Variants in NALF1 observed in about 807,000 individuals in gnomAD.
NALF1 encodes the protein family with sequence similarity 155 member A.
A neutral mutation model predicts 48.4 loss-of-function variants in NALF1; 3 were observed. The observed-to-expected ratio is 0.06, with a 90% CI of 0.03 to 0.16. The LOEUF (loss-of-function observed/expected upper bound fraction) is 0.16. NALF1 is among the 10% of genes least tolerant of loss of function. The pLI is 1.00. For synonymous variants in NALF1, 262 were observed against 245.7 expected (o/e 1.07, Z -0.62); for missense variants, 526 against 571.5 (o/e 0.92, Z 0.81).
At chr13:107,536,486 C>T (rs1436438429) in intron 1 of NALF1, among the ~76,000 whole-genome samples, 3 of 152,176 alleles carry the variant, frequency 2.0e-5, no homozygotes, top group African/African-American at 7.2e-5. Flanking sequence ...AAATGCTCAT[C>T]ATCACTGGCC....
intron 1 of NALF1, among the ~76,000 whole-genome samples, chr13:107,689,235 C>T (rs1360379730): frequency 3.3e-5 from 5 of 152,210 alleles, no homozygotes; most frequent in Non-Finnish European, 7.3e-5. Flanking sequence ...TGACTCTGTC[C>T]TTCATCTGTT....
chr13:107,786,769 T>C (rs1001607249), intron 1 of NALF1, among the ~76,000 whole-genome samples: 3 of 151,976 alleles, frequency 2.0e-5, no homozygotes, highest in African/African-American at 4.8e-5. Context: ...AGAGAGAGAA[T>C]ATATGCCTGA....
In NALF1 at chr13:107,185,470, G is replaced by T. The variant is rs569323908; in HGVS notation, c.1088-14684C>A. The stretch of plus-strand genomic sequence containing the variant: ...GTGGATACTATTCAGAGTGCTAAGA[G>T]ATCTAGTGTTCTGGGTTATCCTACT... On this transcript the variant is annotated intron_variant, in intron 2 of 2. Coordinates refer to ENST00000375915, the MANE Select transcript of NALF1 (RefSeq NM_001080396.3). Among the ~76,000 whole-genome samples, 4 of 139,110 alleles carry T rather than the reference G, an allele frequency of 2.9e-5. No individual in the cohort carries two copies. The South Asian group carries it at 7.1e-4, about 25-fold the overall frequency. The allele number at this position is 139,110 out of a possible 152,430, so 91.3% of individuals were successfully genotyped here.
Position 107,866,646 on chromosome 13 carries a change from C to T in NALF1, c.-50G>A, listed in dbSNP as rs1404307386. On this transcript the variant is annotated 5_prime_UTR_variant, in exon 1 of 3. Coordinates refer to ENST00000375915, the MANE Select transcript of NALF1 (RefSeq NM_001080396.3). This position sits in a 1 kb window ranked among gnomAD's most constrained non-coding sequence, Gnocchi z 4.4. ...CGACTCCACCGTGAGGGCGCCTGTG[C>T]CGGTGTCACCACAATATGCATTGAC... is the stretch of plus-strand genomic sequence containing the variant. 2 of 1,485,260 alleles carry T rather than the reference C, an allele frequency of 1.3e-6. No homozygotes were observed. The highest frequency in any genetic ancestry group is 1.8e-6 in the Non-Finnish European group (2 of 1,097,138). The allele number at this position is 1,485,260 out of a possible 1,614,324, so 92.0% of individuals were successfully genotyped here. A position where few individuals can be genotyped will look rare whatever the true frequency, so the allele number is the denominator to read the frequency against.
At chr13:107,210,890 T>A in intron 1 of NALF1, 135 bp from the exon 2 acceptor site, 1 of 612,610 alleles carries the variant, frequency 1.6e-6, no homozygotes, top group Non-Finnish European at 2.9e-6. Context: ...AAAGCGTATT[T>A]ACACAACGAC....
chr13:107,582,811 G>A (rs577938083), intron 1 of NALF1, among the ~76,000 whole-genome samples: 11 of 152,172 alleles, frequency 7.2e-5, no homozygotes, highest in Admixed American at 3.3e-4. Flanking sequence ...AGAAAATCCT[G>A]TATAATTCAG....
chr13:107,715,429 C>T (rs192518539), intron 1 of NALF1, among the ~76,000 whole-genome samples: 287 of 152,110 alleles, frequency 1.9e-3, no homozygotes, highest in Middle Eastern at 0.014. Context: ...CTTGAACTCC[C>T]GACCTCAGGT....
chr13:107,621,904 T>C (rs991534730), intron 1 of NALF1, among the ~76,000 whole-genome samples: 1 of 152,126 alleles, frequency 6.6e-6, no homozygotes, highest in Non-Finnish European at 1.5e-5. Flanking sequence ...CCAAGGTTGG[T>C]TCCACCACGG....
At chr13:107,187,854 T>C (rs990188334) in intron 2 of NALF1, among the ~76,000 whole-genome samples, 6 of 152,196 alleles carry the variant, frequency 3.9e-5, no homozygotes, top group Admixed American at 3.3e-4. Context: ...TATACTTTTT[T>C]ATTTTTATTT....
intron 1 of NALF1, among the ~76,000 whole-genome samples, chr13:107,501,973 G>A (rs1270137746): frequency 6.6e-6 from 1 of 152,116 alleles, no homozygotes; most frequent in African/African-American, 2.4e-5. Context: ...TAAACCTTTT[G>A]TCATTTGCAG....
At position 107,237,886 on chromosome 13, in the gene NALF1, G is replaced by C. The variant is rs1477027685; in HGVS notation, c.916-27131C>G. 2.6e-5 allele frequency among the ~76,000 whole-genome samples: 4 copies of C among 152,298 alleles called. No individual in the cohort carries two copies. The South Asian group carries it at 6.2e-4, about 24-fold the overall frequency. On this transcript the variant is annotated intron_variant, in intron 1 of 2. Coordinates refer to ENST00000375915, the MANE Select transcript of NALF1 (RefSeq NM_001080396.3). The stretch of plus-strand genomic sequence containing the variant: ...ATTAAACATCAATCTCTCTCACTCA[G>C]GAGAGATATATTCCCTATCTCAGCA...
chr13:107,828,594 TATCTATATCTATACAC>T (rs1879597172), intron 1 of NALF1, among the ~76,000 whole-genome samples: 1 of 75,196 alleles, frequency 1.3e-5, no homozygotes, highest in Non-Finnish European at 2.8e-5. Flanking sequence ...TATCTATCTA[TATCTATATCTATACAC>T]ACACACACAC....
At chr13:107,804,563 C>T (rs1878717773) in intron 1 of NALF1, among the ~76,000 whole-genome samples, 1 of 152,196 alleles carries the variant, frequency 6.6e-6, no homozygotes, top group African/African-American at 2.4e-5. Flanking sequence ...TCCTGTGGCA[C>T]TCCTCACCTC....
At chr13:107,678,707 C>G (rs556823912) in intron 1 of NALF1, among the ~76,000 whole-genome samples, 1 of 152,106 alleles carries the variant, frequency 6.6e-6, no homozygotes, top group Non-Finnish European at 1.5e-5. Context: ...TGAAGGGAAA[C>G]AAGGCAACGT....
chr13:107,411,944 G>A (rs958236693), intron 1 of NALF1, among the ~76,000 whole-genome samples: 2 of 152,190 alleles, frequency 1.3e-5, no homozygotes, highest in African/African-American at 4.8e-5. Flanking sequence ...AGGTGTGGCA[G>A]TGAGGAGGCT....
Position 107,168,543 on chromosome 13 carries a change from GTTTTC to G in NALF1, c.*1949_*1953del, listed in dbSNP as rs1244224600. ...AACGGGAGAATTTTGCATTTTTGGT[GTTTTC>G]TTTTTTTTTGTATTTGCGCAGACCA... is the stretch of plus-strand genomic sequence containing the variant. On this transcript the variant is annotated 3_prime_UTR_variant, in exon 3 of 3. Transcript: ENST00000375915. 1 of 148,174 alleles carries G rather than the reference GTTTTC, an allele frequency of 6.7e-6. No homozygotes were observed. The highest frequency in any genetic ancestry group is 6.8e-5 in the Admixed American group (1 of 14,806). The allele number at this position is 148,174 out of a possible 1,614,324, so 9.2% of individuals were successfully genotyped here. A position where few individuals can be genotyped will look rare whatever the true frequency, so the allele number is the denominator to read the frequency against.
intron 1 of NALF1, among the ~76,000 whole-genome samples, chr13:107,633,860 A>ATG (rs1879902188): frequency 7.0e-6 from 1 of 143,690 alleles, no homozygotes; most frequent in African/African-American, 2.5e-5. Flanking sequence ...GCTCACATAT[A>ATG]TGTGTGTGTA....
At chr13:107,348,782 T>C (rs904412494) in intron 1 of NALF1, among the ~76,000 whole-genome samples, 9 of 152,210 alleles carry the variant, frequency 5.9e-5, no homozygotes, top group African/African-American at 2.2e-4. Flanking sequence ...TTTATAAATA[T>C]GTAGTATAGT....
intron 1 of NALF1, among the ~76,000 whole-genome samples, chr13:107,701,385 A>G (rs933182792): frequency 1.3e-5 from 2 of 152,242 alleles, no homozygotes; most frequent in Non-Finnish European, 2.9e-5. Context: ...CCTAGAAGAT[A>G]TTAAGTGAAA....
Sources: allele counts gnomAD v4.1 joint callset (sites outside exome capture counted in the v4.1 genomes callset), GRCh38; gene constraint gnomAD v4.1.1; non-coding constraint Gnocchi (gnomAD v3.1); transcripts MANE v1.5; gene names NCBI Gene and HGNC (gene_info 2026-07-23, HGNC 2026-07-21).